DLGAP2: variants seen among roughly 807,000 people sequenced by gnomAD.
DLGAP2 encodes disks large-associated protein 2.
Under a neutral mutation model 100.3 loss-of-function variants are expected in DLGAP2, and 26 were observed. The observed-to-expected ratio is 0.26, with a 90% confidence interval of 0.19 to 0.36. The LOEUF is 0.36. DLGAP2 is among the 10% of genes least tolerant of loss of function. The pLI is 1.00. For missense variants in DLGAP2, 1,858 were observed against 1,453.2 expected, an observed-to-expected ratio of 1.28 and a Z score of -4.53; for synonymous variants, 886 against 630.1, an observed-to-expected ratio of 1.41 and a Z score of -6.08.
At chr8:1,118,004 T>G (rs998215405) in intron 2 of DLGAP2, among the ~76,000 whole-genome samples, 1 of 152,112 alleles carries the variant, frequency 6.6e-6, no homozygotes, top group African/African-American at 2.4e-5. Context: ...ATAAAGCAAA[T>G]TCGTTAATAT....
At chr8:1,289,907 T>G (rs1800021569) in intron 3 of DLGAP2, among the ~76,000 whole-genome samples, 1 of 152,216 alleles carries the variant, frequency 6.6e-6, no homozygotes, top group South Asian at 2.1e-4. Flanking sequence ...TTTATCCAGT[T>G]CAGTATATTC....
chr8:1,170,979 G>A (rs1480254679), intron 2 of DLGAP2, among the ~76,000 whole-genome samples: 1 of 151,198 alleles, frequency 6.6e-6, no homozygotes, highest in African/African-American at 2.4e-5. Context: ...TGATGTTAGG[G>A]TGTCAATTTT....
Position 1,298,079 on chromosome 8 carries a change from C to G in DLGAP2, c.106+39196C>G, listed in dbSNP as rs11990381. On this transcript the variant is annotated intron_variant, in intron 3 of 14. Transcript: ENST00000637795. Reference sequence around the variant, plus strand: ...CAGGGAGGAGAAACGTGGCAGGCGTCAACAGACACCACGTGAGACAGGGAG... The same window carrying G: ...CAGGGAGGAGAAACGTGGCAGGCGTGAACAGACACCACGTGAGACAGGGAG... Among the ~76,000 whole-genome samples, 10 of 21,394 alleles carry G rather than the reference C, an allele frequency of 4.7e-4. 1 individual carries two copies. The highest frequency in any genetic ancestry group is 2.0e-3 in the African/African-American group (7 of 3,452). 14.0% of individuals were successfully genotyped at this position (21,394 alleles called of 152,430 possible). A position where few individuals can be genotyped will look rare whatever the true frequency, so the allele number is the denominator to read the frequency against.
intron 2 of DLGAP2, among the ~76,000 whole-genome samples, chr8:1,072,189 C>G (rs1803453438): frequency 6.6e-6 from 1 of 152,208 alleles, no homozygotes; most frequent in South Asian, 2.1e-4. Flanking sequence ...CATCGAGAGA[C>G]ATTCCCCCAG....
rs1563077089 is a variant in DLGAP2, at chr8:881,677, A to ATATATATATG, written c.19-26235_19-26234insTATATATATG. ...ACCACTTGTGGCTGAACACACACAC[A>ATATATATATG]CACACTTTTTTTTTTTTTTTTAGTA... On this transcript the variant is annotated intron_variant, in intron 1 of 14. Coordinates refer to ENST00000637795, the MANE Select transcript of DLGAP2 (RefSeq NM_001346810.2). Among the ~76,000 whole-genome samples, 42 of 50,476 alleles carry ATATATATATG rather than the reference A, an allele frequency of 8.3e-4. 2 individuals carry two copies. Among genetic ancestry groups the ATATATATATG allele is most frequent in the African/African-American group, 2.6e-3 (40 of 15,238 alleles). 33.1% of individuals were successfully genotyped at this position (50,476 alleles called of 152,430 possible). A position where few individuals can be genotyped will look rare whatever the true frequency, so the allele number is the denominator to read the frequency against.
intron 2 of DLGAP2, among the ~76,000 whole-genome samples, chr8:1,178,206 A>G (rs1797303630): frequency 6.6e-6 from 1 of 152,246 alleles, no homozygotes; most frequent in Non-Finnish European, 1.5e-5. Context: ...TTAAATGTGC[A>G]TAAGCAGGTA....
At chr8:1,342,275 C>T (rs527614192) in intron 3 of DLGAP2, among the ~76,000 whole-genome samples, 2 of 152,280 alleles carry the variant, frequency 1.3e-5, no homozygotes, top group South Asian at 4.1e-4. Flanking sequence ...TGACTTGTTT[C>T]AGGCAGAGAC....
At chr8:885,361 C>G (rs913163412) in intron 1 of DLGAP2, among the ~76,000 whole-genome samples, 1 of 152,044 alleles carries the variant, frequency 6.6e-6, no homozygotes, top group Non-Finnish European at 1.5e-5. Context: ...TAGCTGTATT[C>G]CTAGGTATTT....
intron 2 of DLGAP2, among the ~76,000 whole-genome samples, chr8:915,118 G>A (rs1438618205): frequency 2.6e-5 from 4 of 152,178 alleles, no homozygotes; most frequent in African/African-American, 9.7e-5. Flanking sequence ...CTCCCATTGG[G>A]AGACTCTGAA....
At chr8:1,327,260 G>T (rs1274164533) in intron 3 of DLGAP2, among the ~76,000 whole-genome samples, 2 of 152,212 alleles carry the variant, frequency 1.3e-5, no homozygotes, top group East Asian at 1.9e-4. Context: ...GGGTCCCTTG[G>T]CCAAGGCGGA....
At chr8:1,044,252 A>G (rs1190503794) in intron 2 of DLGAP2, among the ~76,000 whole-genome samples, 2 of 152,238 alleles carry the variant, frequency 1.3e-5, no homozygotes, top group African/African-American at 2.4e-5. Flanking sequence ...GTGTTATCCC[A>G]GATAAATGGA....
rs187387620 is a variant in DLGAP2, at chr8:1,102,302, T to C, written c.74-156549T>C. On this transcript the variant is annotated intron_variant, in intron 2 of 14. Transcript: ENST00000637795. The stretch of plus-strand genomic sequence containing the variant: ...TATATAATATAAAAATTACATGTAA[T>C]ATATAATTACATAATAATATATATA... 1.7e-3 allele frequency among the ~76,000 whole-genome samples: 257 copies of C among 147,540 alleles called. 3 individuals are homozygous for C. The East Asian group carries it at 0.035, about 20-fold the overall frequency.
chr8:884,078 G>A (rs915982443), intron 1 of DLGAP2, among the ~76,000 whole-genome samples: 1 of 152,166 alleles, frequency 6.6e-6, no homozygotes, highest in Non-Finnish European at 1.5e-5. Flanking sequence ...CTTTGCTATT[G>A]TGAATAGTGC....
At chr8:1,535,970 T>A (rs1801142036) in intron 4 of DLGAP2, among the ~76,000 whole-genome samples, 1 of 152,160 alleles carries the variant, frequency 6.6e-6, no homozygotes, top group African/African-American at 2.4e-5. Context: ...CACGTTGCCA[T>A]CCTCTCCGAG....
chr8:1,022,797 G>C (rs1039048686), intron 2 of DLGAP2, among the ~76,000 whole-genome samples: 1 of 151,458 alleles, frequency 6.6e-6, no homozygotes, highest in Non-Finnish European at 1.5e-5. Context: ...AGACACTCCA[G>C]CCGCCACCCA....
intron 2 of DLGAP2, among the ~76,000 whole-genome samples, chr8:1,213,148 C>T (rs548236926): frequency 7.4e-4 from 113 of 152,196 alleles, no homozygotes; most frequent in African/African-American, 2.6e-3. Context: ...CCTCAAGTCA[C>T]GTCATGATTT....
intron 2 of DLGAP2, among the ~76,000 whole-genome samples, chr8:1,067,041 AG>A (rs1011707357): frequency 3.3e-5 from 5 of 152,010 alleles, no homozygotes; most frequent in African/African-American, 1.2e-4. Flanking sequence ...TGCTGCAGAG[AG>A]GGGTTGGTCT....
chr8:902,219 C>T (rs1798266885), intron 1 of DLGAP2, among the ~76,000 whole-genome samples: 1 of 152,192 alleles, frequency 6.6e-6, no homozygotes, highest in Non-Finnish European at 1.5e-5. Flanking sequence ...TTCATTTATT[C>T]CTCTCGGGCT....
intron 2 of DLGAP2, among the ~76,000 whole-genome samples, chr8:1,140,208 G>T (rs565343867): frequency 2.0e-5 from 3 of 152,134 alleles, no homozygotes; most frequent in Non-Finnish European, 4.4e-5. Context: ...ATGAAACTCC[G>T]GGCCTCAGCG....
Sources: gnomAD v4.1 joint callset for allele counts (sites outside exome capture counted in the v4.1 genomes callset) on GRCh38, gnomAD v4.1.1 for gene constraint, MANE v1.5 for transcripts, NCBI Gene and HGNC (gene_info 2026-07-23, HGNC 2026-07-21) for gene names.